Variants in IQGAP2 observed in about 807,000 individuals in gnomAD.
IQGAP2 encodes IQ motif containing GTPase activating protein 2.
In IQGAP2, 173 loss-of-function variants were observed where a neutral mutation model predicts 201.3. That is an observed-to-expected ratio of 0.86 (90% CI 0.76 to 0.98). The LOEUF (loss-of-function observed/expected upper bound fraction) is 0.98. IQGAP2 is among the 50% of genes least tolerant of loss of function. The pLI, the probability that IQGAP2 is intolerant of heterozygous loss-of-function variation, is 0.00. For missense variants in IQGAP2, 1,687 were observed against 1,864.8 expected (o/e 0.90, Z 1.76); for synonymous variants, 675 against 673.9 (o/e 1.00, Z -0.03).
At chr5:76,487,396 G>T (rs1230247275) in intron 2 of IQGAP2, among the ~76,000 whole-genome samples, 5 of 152,016 alleles carry the variant, frequency 3.3e-5, no homozygotes, top group African/African-American at 9.7e-5. Flanking sequence ...CGCGTCTATT[G>T]GTACTCCATA....
chr5:76,422,582 G>T (rs527882635), intron 1 of IQGAP2, among the ~76,000 whole-genome samples: 69 of 152,322 alleles, frequency 4.5e-4, no homozygotes, highest in Non-Finnish European at 7.5e-4. Context: ...CTGCAGGAGA[G>T]CCTAGTAAAT....
chr5:76,562,298 C>G lies in IQGAP2; in HGVS notation c.147-98C>G, dbSNP rs1229512267. ...CGAAAGATGTTTCAGATCCTTCTTCCTTTGTCTCCAACACACACAGCGAAA... is the reference window on the plus strand; with the variant it reads ...CGAAAGATGTTTCAGATCCTTCTTCGTTTGTCTCCAACACACACAGCGAAA... On this transcript the variant is annotated intron_variant, in intron 2 of 35. Transcript: ENST00000274364. The G allele has an allele frequency of 4.0e-5, 34 of 845,606 alleles. No individual in the cohort carries two copies. In the Middle Eastern group the frequency reaches 8.1e-4, roughly 20 times the overall value. The allele number at this position is 845,606 out of a possible 1,614,324, so 52.4% of individuals were successfully genotyped here. A position where few individuals can be genotyped will look rare whatever the true frequency, so the allele number is the denominator to read the frequency against.
In IQGAP2 at chr5:76,480,400, A is replaced by C. The variant is rs112975651; in HGVS notation, c.146+18731A>C. Among the ~76,000 whole-genome samples the C allele has an allele frequency of 8.7e-3, 1,321 of 151,948 alleles. 23 individuals carry two copies. Among genetic ancestry groups the C allele is most frequent in the African/African-American group, 0.03 (1,255 of 41,402 alleles). Reference sequence around the variant, plus strand: ...AGTTTTCTTATTCCTTTCTCCCTCAATTATCATTTTACTCCTTTTAAAGTC... The same window carrying C: ...AGTTTTCTTATTCCTTTCTCCCTCACTTATCATTTTACTCCTTTTAAAGTC... On this transcript the variant is annotated intron_variant, in intron 2 of 35. Coordinates refer to ENST00000274364, the MANE Select transcript of IQGAP2 (RefSeq NM_006633.5).
intron 15 of IQGAP2, among the ~76,000 whole-genome samples, chr5:76,633,290 T>C (rs1041764397): frequency 6.6e-6 from 1 of 152,192 alleles, no homozygotes; most frequent in African/African-American, 2.4e-5. Context: ...ATTGAATCTG[T>C]AGGTAAATTT....
rs1751193424 is a variant in IQGAP2 at position 76,412,788 on chromosome 5, G to A, written c.46+9197G>A. 3.3e-5 allele frequency among the ~76,000 whole-genome samples: 5 copies of A among 152,192 alleles called. 1 individual carries two copies. In the South Asian group the frequency reaches 8.3e-4, roughly 25 times the overall value. On this transcript the variant is annotated intron_variant, in intron 1 of 35. Transcript: ENST00000274364. Reference sequence around the variant, plus strand: ...CATCTTGGCAGCTTTCAGATGCCATGCAAACATTAAATGTTGAGTTTAGAT... The same window carrying A: ...CATCTTGGCAGCTTTCAGATGCCATACAAACATTAAATGTTGAGTTTAGAT...
chr5:76,673,887 T>C, intron 25 of IQGAP2, 65 bp from the exon 26 acceptor site: 1 of 935,320 alleles, frequency 1.1e-6, no homozygotes, highest in Non-Finnish European at 1.8e-6. Flanking sequence ...GAACAATTGC[T>C]GTGTGTTTTT....
chr5:76,663,644 C>T (rs6869755), intron 21 of IQGAP2, among the ~76,000 whole-genome samples: 23,609 of 152,186 alleles, frequency 0.16, 2,338 homozygotes, highest in African/African-American at 0.29. Flanking sequence ...TTTCTTACTG[C>T]GGGTCCCAGA....
chr5:76,646,416 C>T (rs1156396578), intron 17 of IQGAP2, among the ~76,000 whole-genome samples: 1 of 152,030 alleles, frequency 6.6e-6, no homozygotes, highest in African/African-American at 2.4e-5. Flanking sequence ...CTCTCTTTGC[C>T]TGGAAGATTG....
chr5:76,577,609 TC>T lies in IQGAP2; in HGVS notation c.458+1843del, dbSNP rs532490651. ...TGCCTCTCACTATGGAGCCGAGAAG[TC>T]CCAAGTGTATCTTGCAGCTTTTTCC... On this transcript the variant is annotated intron_variant, in intron 5 of 35. Transcript: ENST00000274364. Among the ~76,000 whole-genome samples, 434 of 152,330 alleles carry T rather than the reference TC, an allele frequency of 2.8e-3. 4 individuals are homozygous for T. The highest frequency in any genetic ancestry group is 0.01 in the African/African-American group (418 of 41,580).
At chr5:76,407,247 G>A (rs1323628262) in intron 1 of IQGAP2, among the ~76,000 whole-genome samples, 2 of 152,108 alleles carry the variant, frequency 1.3e-5, no homozygotes, top group Non-Finnish European at 2.9e-5. Context: ...GATTACAGGT[G>A]TGAGTCACCA....
At chr5:76,624,676 A>G (rs980297717) in intron 13 of IQGAP2, among the ~76,000 whole-genome samples, 2 of 152,182 alleles carry the variant, frequency 1.3e-5, no homozygotes, top group African/African-American at 4.8e-5. Context: ...CTGGTCATTT[A>G]ATTCATTTGT....
chr5:76,603,570 A>T (rs1315193072), intron 11 of IQGAP2, among the ~76,000 whole-genome samples: 1 of 152,264 alleles, frequency 6.6e-6, no homozygotes, highest in East Asian at 1.9e-4. Context: ...GAACCCCATT[A>T]TATCTACTCT....
intron 27 of IQGAP2, among the ~76,000 whole-genome samples, chr5:76,675,974 A>G (rs1744772075): frequency 1.3e-5 from 2 of 151,940 alleles, no homozygotes; most frequent in Non-Finnish European, 2.9e-5. Flanking sequence ...CCAGCTACTC[A>G]GGAGGCTGAG....
chr5:76,513,437 AAC>A (rs992622842), intron 2 of IQGAP2, among the ~76,000 whole-genome samples: 24 of 152,246 alleles, frequency 1.6e-4, no homozygotes, highest in Admixed American at 1.4e-3. Flanking sequence ...GCATAATTCA[AAC>A]ACTTAAACTA....
chr5:76,620,851 A>G (rs1238489981), intron 13 of IQGAP2, among the ~76,000 whole-genome samples: 1 of 152,242 alleles, frequency 6.6e-6, no homozygotes, highest in Non-Finnish European at 1.5e-5. Flanking sequence ...CATCAACTAT[A>G]TGCTATCAAT....
At chr5:76,454,857 G>T (rs1459664137) in intron 1 of IQGAP2, among the ~76,000 whole-genome samples, 1 of 152,132 alleles carries the variant, frequency 6.6e-6, no homozygotes, top group African/African-American at 2.4e-5. Flanking sequence ...AGATCCCTGA[G>T]GAATCACCAC....
At chr5:76,422,944 T>C (rs1039815984) in intron 1 of IQGAP2, among the ~76,000 whole-genome samples, 2 of 152,198 alleles carry the variant, frequency 1.3e-5, no homozygotes, top group African/African-American at 4.8e-5. Flanking sequence ...AAAACTGAGG[T>C]GCAGAAACAT....
chr5:76,493,361 T>C (rs1057351435), intron 2 of IQGAP2, among the ~76,000 whole-genome samples: 1 of 147,916 alleles, frequency 6.8e-6, no homozygotes, highest in Non-Finnish European at 1.5e-5. Flanking sequence ...CTCTCACCCC[T>C]ATAAAGCTCC....
At chr5:76,677,772 T>A (rs1366568584) in intron 28 of IQGAP2, among the ~76,000 whole-genome samples, 1 of 151,994 alleles carries the variant, frequency 6.6e-6, no homozygotes, top group African/African-American at 2.4e-5. Context: ...CTACTAAAAA[T>A]TTTTTAAAAA....
Sources: allele counts gnomAD v4.1 joint callset (sites outside exome capture counted in the v4.1 genomes callset), GRCh38; gene constraint gnomAD v4.1.1; transcripts MANE v1.5; gene names NCBI Gene and HGNC (gene_info 2026-07-23, HGNC 2026-07-21).